Variants in PIEZO2 observed in about 807,000 individuals in gnomAD.
The protein encoded by PIEZO2 is piezo type mechanosensitive ion channel component 2, also known as piezo-type mechanosensitive ion channel component 2.
In PIEZO2, 172 loss-of-function variants were observed where a neutral mutation model predicts 337.3. The ratio of observed to expected loss-of-function variants is 0.51; its 90% CI spans 0.45 to 0.58. The LOEUF is 0.58. PIEZO2 is among the 20% of genes least tolerant of loss of function. The pLI is 0.00. For synonymous variants in PIEZO2, 1,251 were observed against 1,228.5 expected (o/e 1.02, Z -0.38); for missense variants, 3,028 against 3,391.3 (o/e 0.89, Z 2.66).
Position 11,016,511 on chromosome 18 carries a change from G to A in PIEZO2, c.161-36851C>T, listed in dbSNP as rs113187845. Among the ~76,000 whole-genome samples the A allele has an allele frequency of 5.3e-4, 81 of 152,274 alleles. No individual in the cohort carries two copies. Among genetic ancestry groups the A allele is most frequent in the African/African-American group, 1.9e-3 (77 of 41,564 alleles). On this transcript the variant is annotated intron_variant, in intron 2 of 55. Coordinates refer to ENST00000674853, the MANE Select transcript of PIEZO2 (RefSeq NM_001378183.1). The surrounding 1 kb of genome is among the most constrained non-coding windows in gnomAD (Gnocchi z 5.6). ...GGGTATGAGGGGGGTCGGGTTAAGC[G>A]GCTTAACAAAGAGGTGTGCCCGAGA...
chr18:10,689,898 C>A (rs2034726651), intron 48 of PIEZO2, 96 bp from the exon 49 acceptor site: 2 of 1,413,682 alleles, frequency 1.4e-6, no homozygotes, highest in East Asian at 2.5e-5. Context: ...CTGCTTTAAC[C>A]TCATGACTCA....
At position 10,697,851 on chromosome 18, in the gene PIEZO2, T is replaced by C. The variant is rs1340447645; in HGVS notation, c.6724A>G (p.Lys2242Glu). ...GSTSTRNSSQ[K>E]GSSVLSIKQK... ...TTAATACTCAAAACACTGCTTCCTT[T>C]TTGACTGCTGTTTCGGGTGCTTGTG... The change falls in exon 45 of 56, where the codon AAA (lysine) becomes GAA (glutamate). Residue 2242 changes from lysine to glutamate, a missense_variant. Around this residue, in one of 5 missense-constraint regions of PIEZO2, gnomAD observed 1,925 missense variants for 2,051.9 expected, o/e 0.94. Transcript: ENST00000674853. 1 of 1,614,042 alleles carries C rather than the reference T, an allele frequency of 6.2e-7. No homozygotes were observed. Among genetic ancestry groups the C allele is most frequent in the Admixed American group, 1.7e-5 (1 of 60,020 alleles).
At chr18:10,802,017 C>T (rs947149895) in intron 9 of PIEZO2, among the ~76,000 whole-genome samples, 3 of 138,170 alleles carry the variant, frequency 2.2e-5, no homozygotes, top group Non-Finnish European at 4.5e-5. Context: ...ACCCGGGAGG[C>T]GGAGCTTGCA....
In PIEZO2 at chr18:11,126,754, G is replaced by A. The variant is rs1469063913; in HGVS notation, c.64+21771C>T. Among the ~76,000 whole-genome samples, 1 of 151,180 alleles carries A rather than the reference G, an allele frequency of 6.6e-6. No homozygotes were observed. The highest frequency in any genetic ancestry group is 1.5e-5 in the Non-Finnish European group (1 of 67,942). On this transcript the variant is annotated intron_variant, in intron 1 of 55. Transcript: ENST00000674853. This position sits in a 1 kb window ranked among gnomAD's most constrained non-coding sequence, Gnocchi z 4.6. Reference sequence around the variant, plus strand: ...TACATTTATTAGATGCTTACTATATGCCAGGTACTGTTACACAGTACCTTA... The same window carrying A: ...TACATTTATTAGATGCTTACTATATACCAGGTACTGTTACACAGTACCTTA...
intron 7 of PIEZO2, among the ~76,000 whole-genome samples, chr18:10,839,134 T>C (rs1284037815): frequency 6.6e-6 from 1 of 152,202 alleles, no homozygotes; most frequent in African/African-American, 2.4e-5. Context: ...CTAGAATATG[T>C]AGAGATTTAA....
chr18:11,037,953 G>A (rs547350523), intron 2 of PIEZO2, among the ~76,000 whole-genome samples: 2 of 152,150 alleles, frequency 1.3e-5, no homozygotes, highest in Middle Eastern at 3.4e-3. Context: ...AACACTTCTG[G>A]ACCAAATAAG....
intron 47 of PIEZO2, among the ~76,000 whole-genome samples, chr18:10,693,934 T>A (rs2034972041): frequency 6.6e-6 from 1 of 152,120 alleles, no homozygotes; most frequent in African/African-American, 2.4e-5. Flanking sequence ...TTCACAACAC[T>A]CTCATGAAAA....
In PIEZO2 at chr18:11,031,374, C is replaced by G. The variant is rs146715063; in HGVS notation, c.160+34753G>C. Among the ~76,000 whole-genome samples the G allele has an allele frequency of 1.5e-3, 227 of 151,982 alleles. 1 individual carries two copies. The East Asian group carries it at 0.036, about 24-fold the overall frequency. ...GTCTCCCCAGAAAACACATTTCCTA[C>G]GTCATTACTTTTGAAAGTATACTCC... is the stretch of plus-strand genomic sequence containing the variant. On this transcript the variant is annotated intron_variant, in intron 2 of 55. Transcript: ENST00000674853. The surrounding 1 kb of genome is among the most constrained non-coding windows in gnomAD (Gnocchi z 4.7).
rs2042889549 is a variant in PIEZO2 at position 10,895,992 on chromosome 18, G to A, written c.329+15194C>T. 6.8e-6 allele frequency among the ~76,000 whole-genome samples: 1 copy of A among 145,994 alleles called. No homozygotes were observed. ...AGAGAATCTCTTGAACCCGGGAGGC[G>A]AAGGTTGCAGTGAGCCAAGATCATG... On this transcript the variant is annotated intron_variant, in intron 4 of 55. Coordinates refer to ENST00000674853, the MANE Select transcript of PIEZO2 (RefSeq NM_001378183.1). This position sits in a 1 kb window ranked among gnomAD's most constrained non-coding sequence, Gnocchi z 4.8.
At chr18:11,141,875 C>A (rs1430773362) in intron 1 of PIEZO2, among the ~76,000 whole-genome samples, 1 of 152,112 alleles carries the variant, frequency 6.6e-6, no homozygotes, top group East Asian at 1.9e-4. Flanking sequence ...AAGCTTCCCC[C>A]TCCAGGTGAC....
chr18:10,705,703 T>G lies in PIEZO2; in HGVS notation c.5632A>C (p.Thr1878Pro). The change falls in exon 41 of 56, where the codon ACT (threonine) becomes CCT (proline). Residue 1878 changes from threonine to proline, a missense_variant. By Grantham distance (38) the Thr-to-Pro change is conservative (BLOSUM62 -1). Around this residue, in one of 5 missense-constraint regions of PIEZO2, gnomAD observed 1,925 missense variants for 2,051.9 expected, o/e 0.94. Coordinates refer to ENST00000674853, the MANE Select transcript of PIEZO2 (RefSeq NM_001378183.1). ...CTMLYSRQGT[T>P]ETIEEVEAEQ... ...GCCTCCACCTCCTCGATGGTCTCAGTGGTCCCCTGGCGTGAGTACAGCATG... is the reference window on the plus strand; with the variant it reads ...GCCTCCACCTCCTCGATGGTCTCAGGGGTCCCCTGGCGTGAGTACAGCATG... The G allele has an allele frequency of 2.6e-6, 4 of 1,536,542 alleles. No homozygotes were observed. The highest frequency in any genetic ancestry group is 3.5e-6 in the Non-Finnish European group (4 of 1,146,700).
rs999414090 is a variant in PIEZO2 at position 11,083,468 on chromosome 18, G to T, written c.65-17246C>A. On this transcript the variant is annotated intron_variant, in intron 1 of 55. Coordinates refer to ENST00000674853, the MANE Select transcript of PIEZO2 (RefSeq NM_001378183.1). The surrounding 1 kb of genome is among the most constrained non-coding windows in gnomAD (Gnocchi z 4.4). ...TGCTCTCCTCCAGGGAATGATGCTG[G>T]CTGTGGCTTGGGGAAATGGAGGGGA... Among the ~76,000 whole-genome samples, 2 of 152,214 alleles carry T rather than the reference G, an allele frequency of 1.3e-5. No homozygotes were observed. Among genetic ancestry groups the T allele is most frequent in the African/African-American group, 4.8e-5 (2 of 41,456 alleles).
intron 3 of PIEZO2, among the ~76,000 whole-genome samples, chr18:10,948,404 AT>A (rs1306631048): frequency 1.3e-5 from 2 of 151,876 alleles, no homozygotes; most frequent in Non-Finnish European, 2.9e-5. Flanking sequence ...CGTGTGATGC[AT>A]TTTTTTTGGT....
intron 1 of PIEZO2, among the ~76,000 whole-genome samples, chr18:11,123,727 G>A (rs1376417795): frequency 2.6e-5 from 4 of 151,886 alleles, no homozygotes; most frequent in African/African-American, 9.7e-5. Flanking sequence ...GGAGGATGGC[G>A]TGAACCCGGG....
rs868810041 is a variant in PIEZO2, at chr18:10,765,128, G to A, written c.2947-2030C>T. 3.3e-5 allele frequency among the ~76,000 whole-genome samples: 5 copies of A among 152,188 alleles called. No individual in the cohort carries two copies. The East Asian group carries it at 5.8e-4, about 18-fold the overall frequency. The stretch of plus-strand genomic sequence containing the variant: ...CACATCCCCTGAGGATTCCCTGCCC[G>A]CAGGAGGCATGTGGGAGGGACAGAT... On this transcript the variant is annotated intron_variant, in intron 21 of 55. Coordinates refer to ENST00000674853, the MANE Select transcript of PIEZO2 (RefSeq NM_001378183.1).
chr18:10,683,231 TA>T (rs762564001), intron 49 of PIEZO2, among the ~76,000 whole-genome samples: 78 of 152,344 alleles, frequency 5.1e-4, no homozygotes, highest in Non-Finnish European at 6.6e-4. Flanking sequence ...CATTTACCCA[TA>T]GGCACTAGCC....
chr18:10,723,642 C>T (rs9962317), intron 36 of PIEZO2, among the ~76,000 whole-genome samples: 1 of 151,964 alleles, frequency 6.6e-6, no homozygotes, highest in South Asian at 2.1e-4. Flanking sequence ...GAGTTGCTGA[C>T]CAGACAAGGG....
chr18:10,968,113 G>T (rs1440641248), intron 3 of PIEZO2, among the ~76,000 whole-genome samples: 1 of 152,092 alleles, frequency 6.6e-6, no homozygotes, highest in Non-Finnish European at 1.5e-5. Context: ...TCCATTTTGA[G>T]TTGATTTTTG....
At chr18:11,057,175 C>T (rs1204115325) in intron 2 of PIEZO2, among the ~76,000 whole-genome samples, 1 of 152,116 alleles carries the variant, frequency 6.6e-6, no homozygotes, top group African/African-American at 2.4e-5. Flanking sequence ...TTCTTGAGCT[C>T]TGTTCATGCT....
Sources: gnomAD v4.1 joint callset for allele counts (sites outside exome capture counted in the v4.1 genomes callset) on GRCh38, gnomAD v4.1.1 for gene constraint, gnomAD v4.1.1 regional missense constraint, Gnocchi (gnomAD v3.1) non-coding constraint, MANE v1.5 for transcripts, NCBI Gene and HGNC (gene_info 2026-07-23, HGNC 2026-07-21) for gene names.